Variants in ARAP2 observed in about 807,000 individuals in gnomAD.
ARAP2 encodes the protein ArfGAP with RhoGAP domain, ankyrin repeat and PH domain 2, also known as arf-GAP with Rho-GAP domain, ANK repeat and PH domain-containing protein 2.
Under a neutral mutation model 194.5 loss-of-function variants are expected in ARAP2, and 148 were observed. That is an observed-to-expected ratio of 0.76 (90% CI 0.67 to 0.87). The LOEUF (loss-of-function observed/expected upper bound fraction) is 0.87, where lower values mean the gene tolerates loss of function less well. Among genes scored for constraint, ARAP2 ranks in the 40% least tolerant of loss-of-function variants. ARAP2 has a pLI of 0.00. For missense variants in ARAP2, 2,128 were observed against 1,989.7 expected, an observed-to-expected ratio of 1.07 and a Z score of -1.32; for synonymous variants, 695 against 683.5, an observed-to-expected ratio of 1.02 and a Z score of -0.26.
At chr4:36,212,047 T>G (rs1345220287) in intron 5 of ARAP2, among the ~76,000 whole-genome samples, 1 of 152,188 alleles carries the variant, frequency 6.6e-6, no homozygotes, top group East Asian at 1.9e-4. Flanking sequence ...AGTCTGCAAC[T>G]TGCATAGTGA....
intron 6 of ARAP2, among the ~76,000 whole-genome samples, chr4:36,200,234 C>T (rs1323412989): frequency 3.4e-5 from 1 of 29,656 alleles, no homozygotes; most frequent in East Asian, 0.026. Context: ...AGCACTATTC[C>T]CTTTTTTTAT....
chr4:36,223,639 T>C (rs189363811), intron 2 of ARAP2, among the ~76,000 whole-genome samples: 21 of 152,242 alleles, frequency 1.4e-4, no homozygotes, highest in African/African-American at 2.6e-4. Context: ...AGGTAAGTAA[T>C]TGAAGTTAAA....
At chr4:36,219,651 T>C (rs1180302177) in intron 2 of ARAP2, among the ~76,000 whole-genome samples, 1 of 152,200 alleles carries the variant, frequency 6.6e-6, no homozygotes, top group Admixed American at 6.5e-5. Context: ...TATGTCTAGT[T>C]GATTTATATG....
intron 3 of ARAP2, among the ~76,000 whole-genome samples, chr4:36,047,611 C>T (rs187268004): frequency 1.4e-4 from 21 of 152,158 alleles, no homozygotes; most frequent in Non-Finnish European, 2.5e-4. Context: ...TATTCATTTT[C>T]CCCATTTGGC....
intron 30 of ARAP2, 142 bp downstream of exon 30, chr4:36,082,109 C>A: frequency 6.7e-6 from 5 of 744,678 alleles, no homozygotes; most frequent in Non-Finnish European, 1.1e-5. Context: ...TCTTCTTAGG[C>A]TCAAAGTCTT....
Position 36,228,763 on chromosome 4 carries a change from G to A in ARAP2, c.724C>T (p.Pro242Ser), listed in dbSNP as rs752865899. The part of the protein sequence containing the change: ...GTNGLLEGSP[P>S]SPFFKFQGEM... ...CCTTGAAACTTAAAGAATGGGGATG[G>A]TGGTGATCCTTCTAATAAACCATTT... is the stretch of plus-strand genomic sequence containing the variant. The change falls in exon 2 of 33, where the codon CCA becomes TCA. Residue 242 changes from proline (P) to serine (S), a missense_variant. Transcript: ENST00000303965. 1 of 1,614,130 alleles carries A rather than the reference G, an allele frequency of 6.2e-7. No individual in the cohort carries two copies. Among genetic ancestry groups the A allele is most frequent in the Non-Finnish European group, 8.5e-7 (1 of 1,180,024 alleles).
chr4:36,168,515 C>T (rs1408674125), intron 9 of ARAP2, among the ~76,000 whole-genome samples: 1 of 152,024 alleles, frequency 6.6e-6, no homozygotes, highest in Non-Finnish European at 1.5e-5. Context: ...AATGTGTTCC[C>T]GGCTTATAAA....
At chr4:36,219,624 CTA>C (rs1305900078) in intron 2 of ARAP2, among the ~76,000 whole-genome samples, 5 of 151,980 alleles carry the variant, frequency 3.3e-5, no homozygotes, top group Non-Finnish European at 5.9e-5. Flanking sequence ...GAAAATTAGT[CTA>C]TTTTATATGT....
intron 27 of ARAP2, among the ~76,000 whole-genome samples, chr4:36,103,734 T>G (rs1310162932): frequency 6.6e-6 from 1 of 151,814 alleles, no homozygotes; most frequent in African/African-American, 2.4e-5. Context: ...CCTATCTAAC[T>G]CTATAAAAGT....
intron 27 of ARAP2, among the ~76,000 whole-genome samples, chr4:36,104,681 G>A (rs1379170233): frequency 1.3e-5 from 2 of 151,898 alleles, no homozygotes; most frequent in African/African-American, 4.8e-5. Flanking sequence ...AACAAATGGA[G>A]AACCAACCAT....
In ARAP2 at chr4:36,058,497, T is replaced by G. The variant is rs558697933; in HGVS notation, n.148-354A>C. Among the ~76,000 whole-genome samples, 3 of 152,324 alleles carry G rather than the reference T, an allele frequency of 2.0e-5. No homozygotes were observed. In the East Asian group the frequency reaches 5.8e-4, roughly 29 times the overall value. ...AATTTATGCAGAAAAATAGCAGCTA[T>G]AAAATATTAGCCCACATCTTTAATG... On this transcript the variant is annotated intron_variant and non_coding_transcript_variant, in intron 1 of 12. Transcript: ENST00000503225.
intron 6 of ARAP2, among the ~76,000 whole-genome samples, chr4:36,199,574 GC>G (rs1244842544): frequency 1.3e-5 from 2 of 152,150 alleles, no homozygotes; most frequent in Non-Finnish European, 2.9e-5. Context: ...ACAGGTGTGA[GC>G]CACCACGCCT....
At chr4:36,091,634 T>C (rs1241703881) in intron 28 of ARAP2, among the ~76,000 whole-genome samples, 1 of 152,164 alleles carries the variant, frequency 6.6e-6, no homozygotes, top group African/African-American at 2.4e-5. Context: ...ATATTAGACT[T>C]TTCTTCAGGG....
At chr4:36,233,546 T>C (rs1051625428) in intron 1 of ARAP2, among the ~76,000 whole-genome samples, 1 of 152,184 alleles carries the variant, frequency 6.6e-6, no homozygotes, top group African/African-American at 2.4e-5. Flanking sequence ...AAATCCCCCA[T>C]CTAACATACT....
At chr4:36,125,905 C>G (rs752796358) in intron 21 of ARAP2, among the ~76,000 whole-genome samples, 1 of 151,986 alleles carries the variant, frequency 6.6e-6, no homozygotes, top group Non-Finnish European at 1.5e-5. Context: ...TTAGCCTTAC[C>G]TCTTCTATTC....
chr4:36,018,447 C>CAAA (rs34023851), intron 6 of ARAP2, among the ~76,000 whole-genome samples: 6 of 136,188 alleles, frequency 4.4e-5, no homozygotes, highest in African/African-American at 1.3e-4. Context: ...CTCAATATCT[C>CAAA]AAAAAAAAAA....
rs568223151 is a variant in ARAP2, at chr4:36,177,274, G to A, written c.1857+553C>T. On this transcript the variant is annotated intron_variant, in intron 9 of 32. Transcript: ENST00000303965. ...ATCGATTTTATTTATGTAGATGTGC[G>A]TGTATAGCTAGATGTATGTATGTAT... is the stretch of plus-strand genomic sequence containing the variant. Among the ~76,000 whole-genome samples the A allele has an allele frequency of 2.9e-4, 44 of 152,172 alleles. No homozygotes were observed. In the Middle Eastern group the frequency reaches 0.01, roughly 36 times the overall value.
chr4:36,052,862 GGAGGCTGAAGCT>G (rs1693435072), intron 2 of ARAP2, among the ~76,000 whole-genome samples: 1 of 152,128 alleles, frequency 6.6e-6, no homozygotes, highest in Non-Finnish European at 1.5e-5. Context: ...CAGCTACTCT[GGAGGCTGAAGCT>G]GGAGAATGGT....
Position 36,147,361 on chromosome 4 carries a change from T to C in ARAP2, c.3200-2A>G. On this transcript the variant is annotated splice_acceptor_variant, in intron 18 of 32. Transcript: ENST00000303965. LOFTEE classifies it high-confidence loss of function. ...CATTTTGAACCATTGTGCTGATTGC[T>C]GAAGGGAGAATGAAAAGCAAAAATT... 6.2e-7 allele frequency: 1 copy of C among 1,612,684 alleles called. No individual in the cohort carries two copies. The highest frequency in any genetic ancestry group is 1.1e-5 in the South Asian group (1 of 90,872).
Sources: allele counts gnomAD v4.1 joint callset (sites outside exome capture counted in the v4.1 genomes callset), GRCh38; gene constraint gnomAD v4.1.1; transcripts MANE v1.5; gene names NCBI Gene and HGNC (gene_info 2026-07-23, HGNC 2026-07-21).